Variants in ASZ1 observed in about 807,000 individuals in gnomAD.
ASZ1 encodes ankyrin repeat, SAM and basic leucine zipper domain containing 1, also known as ankyrin repeat, SAM and basic leucine zipper domain-containing protein 1.
A neutral mutation model predicts 61.8 loss-of-function variants in ASZ1; 67 were observed. That is an observed-to-expected ratio of 1.08 (90% confidence interval 0.89 to 1.33). ASZ1 has a LOEUF of 1.33. Among genes scored for constraint, ASZ1 ranks in the 40% most tolerant of loss-of-function variants. The pLI, the probability that ASZ1 is intolerant of heterozygous loss-of-function variation, is 0.00. For missense variants in ASZ1, 577 were observed against 554.5 expected (o/e 1.04, Z -0.41); for synonymous variants, 193 against 192.7 (o/e 1.00, Z -0.01).
At chr7:117,364,461 G>C (rs1183277315) in intron 12 of ASZ1, among the ~76,000 whole-genome samples, 1 of 151,946 alleles carries the variant, frequency 6.6e-6, no homozygotes, top group African/African-American at 2.4e-5. Context: ...AAGTGAGAGA[G>C]AGAGAAAAGA....
chr7:117,426,791 A>T, intron 2 of ASZ1, 45 bp downstream of exon 2: 1 of 1,495,236 alleles, frequency 6.7e-7, no homozygotes, highest in Non-Finnish European at 9.1e-7. Context: ...ATCCTTGCGA[A>T]CTTAAGACAG....
intron 4 of ASZ1, among the ~76,000 whole-genome samples, chr7:117,391,045 C>T (rs948006082): frequency 6.6e-6 from 1 of 151,888 alleles, no homozygotes; most frequent in African/African-American, 2.4e-5. Context: ...GAGATGGTAC[C>T]TCATTGTGGT....
At chr7:117,376,696 G>GT (rs1796143169) in intron 10 of ASZ1, among the ~76,000 whole-genome samples, 1 of 152,038 alleles carries the variant, frequency 6.6e-6, no homozygotes, top group Non-Finnish European at 1.5e-5. Context: ...TCATATGGTC[G>GT]TATCAGTTGG....
At position 117,412,768 on chromosome 7, in the gene ASZ1, T is replaced by TA. The variant is rs546224575; in HGVS notation, c.440+7394dup. On this transcript the variant is annotated intron_variant, in intron 4 of 12. Coordinates refer to ENST00000284629, the MANE Select transcript of ASZ1 (RefSeq NM_130768.3). ...TGGTAGAAAAATTACCTTCTAAATG[T>TA]AAAAAAAAAATCTTTTTTTTTAAAT... Among the ~76,000 whole-genome samples the TA allele has an allele frequency of 5.7e-4, 85 of 148,728 alleles. 1 individual carries two copies. The East Asian group carries it at 0.011, about 19-fold the overall frequency.
At position 117,426,935 on chromosome 7, in the gene ASZ1, TC is replaced by T. The variant is rs1199224961; in HGVS notation, c.106-1del. The T allele has an allele frequency of 1.3e-6, 2 of 1,585,828 alleles. No homozygotes were observed. Among genetic ancestry groups the T allele is most frequent in the African/African-American group, 2.7e-5 (2 of 72,978 alleles). ...TCAATGGGTAATAGCCTTTTCAATTTCTAGAAAAGTAAACATTTTAAAAAAT... is the reference window on the plus strand; with the variant it reads ...TCAATGGGTAATAGCCTTTTCAATTTTAGAAAAGTAAACATTTTAAAAAAT... On this transcript the variant is annotated splice_acceptor_variant, in intron 1 of 12. Transcript: ENST00000284629. LOFTEE classifies it high-confidence loss of function.
At chr7:117,370,847 T>TGTGA (rs1346952224) in intron 10 of ASZ1, among the ~76,000 whole-genome samples, 6 of 150,838 alleles carry the variant, frequency 4.0e-5, no homozygotes, top group East Asian at 2.0e-4. Flanking sequence ...TGTGTGTGTG[T>TGTGA]GTGACAGAGT....
At chr7:117,382,769 A>G (rs902210647) in intron 7 of ASZ1, among the ~76,000 whole-genome samples, 1 of 152,148 alleles carries the variant, frequency 6.6e-6, no homozygotes, top group African/African-American at 2.4e-5. Flanking sequence ...TATCTTACTT[A>G]AAGTTTACAT....
chr7:117,413,287 T>C (rs558422845), intron 4 of ASZ1, among the ~76,000 whole-genome samples: 106 of 152,094 alleles, frequency 7.0e-4, no homozygotes, highest in African/African-American at 2.4e-3. Flanking sequence ...CTCTGTTACA[T>C]TGAAAGGCAC....
At chr7:117,402,791 A>T (rs1262743899) in intron 4 of ASZ1, among the ~76,000 whole-genome samples, 1 of 152,074 alleles carries the variant, frequency 6.6e-6, no homozygotes, top group Non-Finnish European at 1.5e-5. Flanking sequence ...AGAAAGAACA[A>T]CTTGACTTTA....
rs1165874625 is a variant in ASZ1 at position 117,420,285 on chromosome 7, T to C, written c.329-11A>G. On this transcript the variant is annotated splice_polypyrimidine_tract_variant and intron_variant, in intron 3 of 12. Transcript: ENST00000284629. The stretch of plus-strand genomic sequence containing the variant: ...AAATACTTTGCTTATCTATAGTGAA[T>C]AGAAAAGTGAGGAAAAATCCCCATA... 1.9e-6 allele frequency: 3 copies of C among 1,594,542 alleles called. No homozygotes were observed. Among genetic ancestry groups the C allele is most frequent in the African/African-American group, 1.3e-5 (1 of 74,450 alleles).
At chr7:117,378,460 C>A (rs1796178306) in intron 10 of ASZ1, among the ~76,000 whole-genome samples, 1 of 151,840 alleles carries the variant, frequency 6.6e-6, no homozygotes, top group South Asian at 2.1e-4. Flanking sequence ...TTAGTAAGTG[C>A]AAATAAAAAC....
Position 117,381,092 on chromosome 7 carries a change from C to A in ASZ1, c.889-25G>T, listed in dbSNP as rs112516673. 5.9e-6 allele frequency: 9 copies of A among 1,517,560 alleles called. No homozygotes were observed. The African/African-American group carries it at 7.0e-5, about 12-fold the overall frequency. The allele number at this position is 1,517,560 out of a possible 1,614,324, so 94.0% of individuals were successfully genotyped here. Reference sequence around the variant, plus strand: ...CCTGTATAAAAGGAAAAAAAGGCCACCTTTCCATATAATTAAAATAGTAGA... The same window carrying A: ...CCTGTATAAAAGGAAAAAAAGGCCAACTTTCCATATAATTAAAATAGTAGA... On this transcript the variant is annotated intron_variant, in intron 8 of 12. Coordinates refer to ENST00000284629, the MANE Select transcript of ASZ1 (RefSeq NM_130768.3).
intron 4 of ASZ1, among the ~76,000 whole-genome samples, chr7:117,399,732 G>A (rs1796644556): frequency 6.6e-6 from 1 of 152,106 alleles, no homozygotes; most frequent in Non-Finnish European, 1.5e-5. Flanking sequence ...GACAGCCAAT[G>A]CATATTAAGT....
chr7:117,422,380 T>C (rs2116539453), intron 2 of ASZ1, 21 bp from the exon 3 acceptor site: 1 of 1,601,556 alleles, frequency 6.2e-7, no homozygotes, highest in Admixed American at 1.7e-5. Context: ...AAAAACAAGC[T>C]TTTAAAAGCA....
intron 10 of ASZ1, among the ~76,000 whole-genome samples, chr7:117,375,516 ATTT>A (rs997414823): frequency 2.6e-5 from 4 of 152,042 alleles, no homozygotes; most frequent in Non-Finnish European, 5.9e-5. Flanking sequence ...AACTCTATTA[ATTT>A]TTGAGAGATT....
intron 4 of ASZ1, among the ~76,000 whole-genome samples, chr7:117,410,636 GACAATTTATAAACA>G (rs1796872265): frequency 6.6e-6 from 1 of 151,244 alleles, no homozygotes; most frequent in East Asian, 1.9e-4. Context: ...ACTAAAGTTA[GACAATTTATAAACA>G]ATAAATTATA....
Position 117,420,344 on chromosome 7 carries a change from CA to C in ASZ1, c.329-71del, listed in dbSNP as rs1584744214. The C allele has an allele frequency of 1.3e-5, 14 of 1,083,694 alleles. No individual in the cohort carries two copies. In the East Asian group the frequency reaches 3.4e-4, roughly 27 times the overall value. 67.1% of individuals were successfully genotyped at this position (1,083,694 alleles called of 1,614,324 possible). A position where few individuals can be genotyped will look rare whatever the true frequency, so the allele number is the denominator to read the frequency against. On this transcript the variant is annotated intron_variant, in intron 3 of 12. Transcript: ENST00000284629. ...GCATCTATTCGATGTCTTTACCACT[CA>C]AAACATTCTATTATTGCACTCTAAA... is the stretch of plus-strand genomic sequence containing the variant.
At chr7:117,392,767 T>C (rs1158277368) in intron 4 of ASZ1, among the ~76,000 whole-genome samples, 1 of 152,188 alleles carries the variant, frequency 6.6e-6, no homozygotes. Flanking sequence ...ACACAAGTGC[T>C]GATATAAAGG....
chr7:117,417,015 T>C (rs1797006268), intron 4 of ASZ1, among the ~76,000 whole-genome samples: 1 of 152,168 alleles, frequency 6.6e-6, no homozygotes, highest in African/African-American at 2.4e-5. Flanking sequence ...TTTTTCCCCA[T>C]TTTATCTAAA....
Sources: gnomAD v4.1 joint callset for allele counts (sites outside exome capture counted in the v4.1 genomes callset) on GRCh38, gnomAD v4.1.1 for gene constraint, MANE v1.5 for transcripts, NCBI Gene and HGNC (gene_info 2026-07-23, HGNC 2026-07-21) for gene names.